The following THOC2 variants were observed in gnomAD, a reference collection of about 807,000 sequenced individuals.
THOC2 encodes the protein THO complex subunit 2, also known as THO complex 2.
In THOC2, 10 loss-of-function variants were observed where a neutral mutation model predicts 128.4. The observed-to-expected ratio is 0.08, with a 90% CI of 0.05 to 0.13. The LOEUF (loss-of-function observed/expected upper bound fraction) is 0.13. Ranked by LOEUF, THOC2 falls within the 10% of genes least tolerant of loss-of-function variation. THOC2 has a pLI of 1.00. For synonymous variants in THOC2, 393 were observed against 396.9 expected (o/e 0.99, Z 0.12); for missense variants, 535 against 1,155.7 (o/e 0.46, Z 7.79).
chrX:123,680,521 C>A (rs2049723202), intron 8 of THOC2, among the ~76,000 whole-genome samples: 1 of 109,961 alleles, frequency 9.1e-6, no homozygotes, highest in East Asian at 2.9e-4. Flanking sequence ...GTCCCCTGGG[C>A]CCCCTTTTTT....
At chrX:123,650,308 C>T (rs1471967108) in intron 12 of THOC2, among the ~76,000 whole-genome samples, 2 of 111,732 alleles carry the variant, frequency 1.8e-5, no homozygotes, top group African/African-American at 6.5e-5. Context: ...CTGAAGGAAG[C>T]ACTAAATATG....
chrX:123,660,462 T>C (rs896176543), intron 12 of THOC2, among the ~76,000 whole-genome samples: 3 of 111,868 alleles, frequency 2.7e-5, no homozygotes, highest in African/African-American at 9.8e-5. Context: ...AAGTGTTATA[T>C]CTTCCCACAA....
At chrX:123,697,380 G>A (rs1252748548) in intron 5 of THOC2, among the ~76,000 whole-genome samples, 1 of 112,268 alleles carries the variant, frequency 8.9e-6, no homozygotes, top group African/African-American at 3.2e-5. Flanking sequence ...TTTAAAAGCT[G>A]TCTACAATCA....
chrX:123,629,884 C>A (rs1018268875), intron 22 of THOC2, among the ~76,000 whole-genome samples: 9 of 111,983 alleles, frequency 8.0e-5, no homozygotes, highest in African/African-American at 2.9e-4. Flanking sequence ...GCCTAATTAC[C>A]TGTTCTGGGC....
chrX:123,717,060 T>C (rs1413591136), intron 1 of THOC2, among the ~76,000 whole-genome samples: 1 of 112,032 alleles, frequency 8.9e-6, no homozygotes, highest in Non-Finnish European at 1.9e-5. Context: ...TCTCCACTTC[T>C]ATCCAACAGA....
chrX:123,707,398 T>A (rs2050978155), intron 2 of THOC2, among the ~76,000 whole-genome samples: 1 of 112,079 alleles, frequency 8.9e-6, no homozygotes. Context: ...AGCACTATAG[T>A]GACAACAGAT....
chrX:123,645,238 T>C, intron 13 of THOC2, 96 bp downstream of exon 13: 1 of 591,395 alleles, frequency 1.7e-6, no homozygotes, highest in Non-Finnish European at 2.6e-6. Context: ...AAACAATTAC[T>C]CATACAGATG....
chrX:123,693,553 ACTTT>A (rs2050318720), intron 7 of THOC2, among the ~76,000 whole-genome samples: 1 of 111,838 alleles, frequency 8.9e-6, no homozygotes, highest in African/African-American at 3.3e-5. Flanking sequence ...AGGAAGATGA[ACTTT>A]CTAAAATTCT....
intron 29 of THOC2, 24 bp downstream of exon 29, chrX:123,623,081 A>C: frequency 5.2e-6 from 6 of 1,161,208 alleles, no homozygotes; most frequent in Non-Finnish European, 7.0e-6. Context: ...TATATTACTT[A>C]TAAGTTTCTA....
intron 3 of THOC2, 128 bp downstream of exon 3, chrX:123,706,730 A>T: frequency 3.2e-6 from 1 of 316,745 alleles, no homozygotes; most frequent in Middle Eastern, 9.3e-4. Flanking sequence ...TTAAAAAAAT[A>T]AAATTTTAAA....
In THOC2 at chrX:123,644,673, A is replaced by G. The variant is rs1203893546; in HGVS notation, c.1563T>C (p.Tyr521=). 1 of 1,193,127 alleles carries G rather than the reference A, an allele frequency of 8.4e-7. No individual in the cohort carries two copies. The highest frequency in any genetic ancestry group is 1.1e-6 in the Non-Finnish European group (1 of 885,693). The change falls in exon 15 of 39, where the codon TAT becomes TAC. Residue 521 remains tyrosine (Y), a synonymous_variant. Coordinates refer to ENST00000245838, the MANE Select transcript of THOC2 (RefSeq NM_001081550.2). The part of the protein sequence containing the change: ...MFKTFPYQHR[Y]RLYGQWKNET... The stretch of plus-strand genomic sequence containing the variant: ...CATTCTTCCACTGGCCATACAGACG[A>G]TATCTTAAAAAACGATGAGATGAAG...
Position 123,659,064 on chromosome X carries a change from T to C in THOC2, c.1386+6578A>G, listed in dbSNP as rs1443183783. Reference sequence around the variant, plus strand: ...GTTAGTGCTCTATAATTAAAGAAAATGTTATTATAGCAAAATGTGTCCTTT... The same window carrying C: ...GTTAGTGCTCTATAATTAAAGAAAACGTTATTATAGCAAAATGTGTCCTTT... On this transcript the variant is annotated intron_variant, in intron 12 of 38. Transcript: ENST00000245838. Among the ~76,000 whole-genome samples the C allele has an allele frequency of 6.2e-5, 7 of 112,139 alleles. No individual in the cohort carries two copies. In the East Asian group the frequency reaches 1.9e-3, roughly 31 times the overall value.
In THOC2 at chrX:123,636,001, G is replaced by C; in HGVS notation, c.2018+78C>G. On this transcript the variant is annotated intron_variant, in intron 19 of 38. Coordinates refer to ENST00000245838, the MANE Select transcript of THOC2 (RefSeq NM_001081550.2). ...CAACCAACAAATAAGTAGTCTTTCG[G>C]GATAACAGAGTCTCAATAACCCCAA... is the stretch of plus-strand genomic sequence containing the variant. The C allele has an allele frequency of 8.1e-6, 6 of 742,510 alleles. No homozygotes were observed. In the South Asian group the frequency reaches 1.8e-4, roughly 22 times the overall value. 61.2% of individuals were successfully genotyped at this position (742,510 alleles called of 1,213,427 possible). A position where few individuals can be genotyped will look rare whatever the true frequency, so the allele number is the denominator to read the frequency against.
intron 8 of THOC2, among the ~76,000 whole-genome samples, chrX:123,682,396 C>T (rs1016850688): frequency 9.0e-6 from 1 of 111,630 alleles, no homozygotes; most frequent in Non-Finnish European, 1.9e-5. Flanking sequence ...TCTCTGACCT[C>T]ATCTCCTACT....
chrX:123,683,760 C>G (rs1040347067), intron 8 of THOC2, among the ~76,000 whole-genome samples: 14 of 110,492 alleles, frequency 1.3e-4, no homozygotes, highest in Admixed American at 4.8e-4. Context: ...GCCACCACAC[C>G]CGGCTAATTT....
chrX:123,701,710 A>G (rs930605124), intron 4 of THOC2, among the ~76,000 whole-genome samples: 3 of 111,063 alleles, frequency 2.7e-5, no homozygotes, highest in African/African-American at 9.8e-5. Flanking sequence ...AAAAAAGGTA[A>G]TATCTTTAGT....
chrX:123,626,879 G>A (rs1228735842), intron 23 of THOC2, among the ~76,000 whole-genome samples: 1 of 111,489 alleles, frequency 9.0e-6, no homozygotes, highest in African/African-American at 3.3e-5. Flanking sequence ...TTGCAACACT[G>A]ACACTATTAG....
At position 123,644,632 on chromosome X, in the gene THOC2, T is replaced by C. The variant is rs750213064; in HGVS notation, c.1604A>G (p.His535Arg). ...GQWKNETYNS[H>R]PLLVKVKAQT... ...AGCTTTAACTTTTACTAAAAGTGGG[T>C]GACTGTTATAAGTTTCATTCTTCCA... Residue 535 changes from histidine (H) to arginine (R), a missense_variant, in exon 15 of 39, where the codon CAC (histidine) becomes CGC (arginine). By Grantham distance (29) the His-to-Arg change is conservative. This residue lies in a region of THOC2 where 197 missense variants were observed against 313.4 expected (regional missense o/e 0.63). Transcript: ENST00000245838. 5.8e-6 allele frequency: 7 copies of C among 1,206,605 alleles called. No homozygotes were observed. The highest frequency in any genetic ancestry group is 7.8e-6 in the Non-Finnish European group (7 of 892,519).
chrX:123,718,209 T>C (rs936793316), intron 1 of THOC2, among the ~76,000 whole-genome samples: 1 of 112,018 alleles, frequency 8.9e-6, no homozygotes, highest in Non-Finnish European at 1.9e-5. Flanking sequence ...GTCTCTTCAA[T>C]AAAGAATGTT....
Sources: allele counts gnomAD v4.1 joint callset (sites outside exome capture counted in the v4.1 genomes callset), GRCh38; gene constraint gnomAD v4.1.1; regional missense constraint gnomAD v4.1.1; transcripts MANE v1.5; gene names NCBI Gene and HGNC (gene_info 2026-07-23, HGNC 2026-07-21).